The following MRM3 variants were observed in gnomAD, a reference collection of about 807,000 sequenced individuals.
MRM3 encodes rRNA methyltransferase 3, mitochondrial.
Under a neutral mutation model 29.4 loss-of-function variants are expected in MRM3, and 26 were observed. That is an observed-to-expected ratio of 0.89 (90% CI 0.65 to 1.23). The LOEUF (loss-of-function observed/expected upper bound fraction) is 1.23, where lower values mean the gene tolerates loss of function less well. Among genes scored for constraint, MRM3 ranks in the 50% most tolerant of loss-of-function variants. The pLI is 0.00. For synonymous variants in MRM3, 225 were observed against 219.0 expected (o/e 1.03, Z -0.24); for missense variants, 578 against 540.2 (o/e 1.07, Z -0.69).
intron 3 of MRM3, among the ~76,000 whole-genome samples, chr17:791,251 G>A (rs2144531047): frequency 6.6e-6 from 1 of 152,232 alleles, no homozygotes; most frequent in African/African-American, 2.4e-5. Context: ...GCGTTCCTTG[G>A]GGTTGGGGAC....
chr17:785,878 TG>T (rs1266940371), intron 2 of MRM3, among the ~76,000 whole-genome samples: 1 of 152,222 alleles, frequency 6.6e-6, no homozygotes, highest in Non-Finnish European at 1.5e-5. Context: ...AAAGCCTACC[TG>T]GTAGGAAGAT....
chr17:783,977 C>G (rs952990770), intron 2 of MRM3, among the ~76,000 whole-genome samples: 3 of 152,162 alleles, frequency 2.0e-5, no homozygotes, highest in African/African-American at 7.2e-5. Context: ...TGATAACTGT[C>G]AATAAACTGC....
chr17:782,383 C>A lies in MRM3; in HGVS notation c.5C>A (p.Ala2Glu). The A allele has an allele frequency of 6.2e-7, 1 of 1,613,560 alleles. No homozygotes were observed. Among genetic ancestry groups the A allele is most frequent in the Non-Finnish European group, 8.5e-7 (1 of 1,179,826 alleles). M[A>E]ALVRPARFVV... is the part of the protein sequence containing the mutation. Reference sequence around the variant, plus strand: ...GCAGCCCGGGTCTCAGGGAACATGGCGGCGCTGGTGAGACCCGCGAGGTTT... The same window carrying A: ...GCAGCCCGGGTCTCAGGGAACATGGAGGCGCTGGTGAGACCCGCGAGGTTT... Residue 2 changes from alanine to glutamate, a missense_variant, in exon 1 of 4, where the codon GCG becomes GAG. Physicochemically the swap from Ala to Glu is moderately radical, Grantham distance 107. Coordinates refer to ENST00000304478, the MANE Select transcript of MRM3 (RefSeq NM_018146.4).
intron 3 of MRM3, chr17:789,660 G>A (rs951786235): frequency 6.6e-6 from 1 of 152,300 alleles, no homozygotes; most frequent in South Asian, 2.1e-4. Context: ...GCTAGAATAC[G>A]TTTCTGTGCC....
Position 791,711 on chromosome 17 carries a change from C to G in MRM3, c.905C>G (p.Ala302Gly), listed in dbSNP as rs1364381767. The change falls in exon 4 of 4, where the codon GCT becomes GGT. Residue 302 changes from alanine to glycine, a missense_variant. Transcript: ENST00000304478. ...LYAQAEMSNK[A>G]SDHGWVCDQR... ...GCCCAGGCTGAGATGTCTAATAAAG[C>G]TAGTGACCATGGCTGGGTGTGTGAT... is the stretch of plus-strand genomic sequence containing the variant. 2 of 1,614,162 alleles carry G rather than the reference C, an allele frequency of 1.2e-6. No individual in the cohort carries two copies. The highest frequency in any genetic ancestry group is 2.2e-5 in the South Asian group (2 of 91,080).
intron 1 of MRM3, 151 bp downstream of exon 1, chr17:782,843 A>C (rs1292670250): frequency 3.1e-6 from 3 of 969,986 alleles, no homozygotes. Context: ...CTTTGGAATT[A>C]GCTTCTGTTT....
Position 788,035 on chromosome 17 carries a change from A to G in MRM3, c.630A>G (p.Leu210=), listed in dbSNP as rs745894476. 2.5e-6 allele frequency: 4 copies of G among 1,614,170 alleles called. No homozygotes were observed. The highest frequency in any genetic ancestry group is 1.6e-4 in the Middle Eastern group (1 of 6,062). The change falls in exon 3 of 4, where the codon TTA becomes TTG. Residue 210 remains leucine (L), a synonymous_variant. Transcript: ENST00000304478. ...CTCAGCTTCAGCATTCACTGCCTTTATTATTGATTTGTGACAATCTCCGTG... is the reference window on the plus strand; with the variant it reads ...CTCAGCTTCAGCATTCACTGCCTTTGTTATTGATTTGTGACAATCTCCGTG... The part of the protein sequence containing the change: ...PKTQLQHSLP[L]LLICDNLRDP...
At chr17:786,599 C>T (rs553005751) in intron 2 of MRM3, among the ~76,000 whole-genome samples, 6 of 151,766 alleles carry the variant, frequency 4.0e-5, no homozygotes, top group African/African-American at 1.2e-4. Context: ...TTATTAGAGA[C>T]GGGGTTTCAC....
intron 3 of MRM3, 155 bp downstream of exon 3, chr17:788,287 G>T: frequency 1.5e-6 from 1 of 651,546 alleles, no homozygotes. Flanking sequence ...AATTAGCTGG[G>T]TGTGGTGGGG....
rs1216982060 is a variant in MRM3 at position 783,110 on chromosome 17, G to A, written c.342G>A (p.Arg114=). Residue 114 remains arginine, a synonymous_variant, in exon 2 of 4, where the codon AGG becomes AGA. Transcript: ENST00000304478. The part of the protein sequence containing the change: ...LSSVMTIVKS[R]PFREKQGKIL... Reference sequence around the variant, plus strand: ...GTGTAATGACAATAGTAAAGTCCAGGCCATTTCGGGAAAAACAAGGGAAGA... The same window carrying A: ...GTGTAATGACAATAGTAAAGTCCAGACCATTTCGGGAAAAACAAGGGAAGA... 3 of 1,613,604 alleles carry A rather than the reference G, an allele frequency of 1.9e-6. No individual in the cohort carries two copies. Among genetic ancestry groups the A allele is most frequent in the East Asian group, 2.2e-5 (1 of 44,872 alleles).
chr17:789,207 C>T (rs1035732338), intron 3 of MRM3, among the ~76,000 whole-genome samples: 2 of 152,094 alleles, frequency 1.3e-5, no homozygotes, highest in African/African-American at 4.8e-5. Flanking sequence ...GAAATAGATG[C>T]CAATTTTAAC....
At chr17:788,264 CA>C (rs1159037930) in intron 3 of MRM3, 132 bp downstream of exon 3, 24 of 822,228 alleles carry the variant, frequency 2.9e-5, no homozygotes, top group Non-Finnish European at 3.6e-5. Flanking sequence ...CTCATCTCTA[CA>C]AAAAAAACTA....
chr17:788,493 T>A (rs753118793), intron 3 of MRM3, among the ~76,000 whole-genome samples: 2,562 of 149,268 alleles, frequency 0.017, 35 homozygotes, highest in Middle Eastern at 0.062. Context: ...TTTTTTTTTT[T>A]ATTAAAGAGA....
At chr17:782,782 C>T (rs1448369230) in intron 1 of MRM3, 90 bp downstream of exon 1, 12 of 1,328,796 alleles carry the variant, frequency 9.0e-6, no homozygotes, top group Non-Finnish European at 1.2e-5. Flanking sequence ...AGGACTTCTT[C>T]CAGTACAGCC....
chr17:792,240 A>G lies in MRM3; in HGVS notation c.*171A>G, dbSNP rs1184698067. The G allele has an allele frequency of 9.6e-6, 6 of 627,500 alleles. No individual in the cohort carries two copies. Among genetic ancestry groups the G allele is most frequent in the Non-Finnish European group, 1.6e-5 (6 of 381,074 alleles). The allele number at this position is 627,500 out of a possible 1,614,324, so 38.9% of individuals were successfully genotyped here. A position where few individuals can be genotyped will look rare whatever the true frequency, so the allele number is the denominator to read the frequency against. On this transcript the variant is annotated 3_prime_UTR_variant, in exon 4 of 4. Transcript: ENST00000304478. ...ACTTCCTCAGAAAGAACAGGTCCGA[A>G]TTCTTCCTGTCGCGTCACTGATTTT... is the stretch of plus-strand genomic sequence containing the variant.
chr17:782,791 C>A, intron 1 of MRM3, 99 bp downstream of exon 1: 1 of 1,296,600 alleles, frequency 7.7e-7, no homozygotes, highest in Non-Finnish European at 1.0e-6. Context: ...TCCAGTACAG[C>A]CCGCTGGTTT....
In MRM3 at chr17:787,808, C is replaced by G. The variant is rs928984545; in HGVS notation, c.560-157C>G. Among the ~76,000 whole-genome samples the G allele has an allele frequency of 6.6e-6, 1 of 152,164 alleles. No individual in the cohort carries two copies. The highest frequency in any genetic ancestry group is 1.5e-5 in the Non-Finnish European group (1 of 68,020). On this transcript the variant is annotated intron_variant, in intron 2 of 3. Transcript: ENST00000304478. The surrounding 1 kb of genome is among the most constrained non-coding windows in gnomAD (Gnocchi z 4.1). ...AGGTGATCCACCCGCCTTGGCCTCC[C>G]GAAGTGTTGGGATTACAGGCATGAG...
In MRM3 at chr17:788,311, A is replaced by T. The variant is rs367926316; in HGVS notation, c.727+179A>T. 3 of 574,338 alleles carry T rather than the reference A, an allele frequency of 5.2e-6. No individual in the cohort carries two copies. The African/African-American group carries it at 5.6e-5, about 11-fold the overall frequency. 35.6% of individuals were successfully genotyped at this position (574,338 alleles called of 1,614,324 possible). A position where few individuals can be genotyped will look rare whatever the true frequency, so the allele number is the denominator to read the frequency against. ...GGTGTGGTGGGGTGTGCCTGTACTC[A>T]GTCCCAGCAACTTGGGAGGCTGAGG... On this transcript the variant is annotated intron_variant, in intron 3 of 3. Transcript: ENST00000304478.
In MRM3 at chr17:791,809, CCT is replaced by C. The variant is rs774696184; in HGVS notation, c.1005_1006del (p.His336CysfsTer2). 1.2e-4 allele frequency: 198 copies of C among 1,614,048 alleles called. No individual in the cohort carries two copies. Among genetic ancestry groups the C allele is most frequent in the Non-Finnish European group, 1.7e-4 (197 of 1,180,056 alleles). Reference protein sequence around the residue: ...VETGASQDWLPHVEVQSYDSD... With the variant: ...VETGASQDWLXHVEVQSYDSD... ...AACCGGAGCCAGTCAAGATTGGCTG[CCT>C]CATGTTGAGGTTCAGAGTTACGACT... On this transcript the variant is annotated frameshift_variant, in exon 4 of 4. Transcript: ENST00000304478. LOFTEE classifies it high-confidence loss of function.
Sources: gnomAD v4.1 joint callset for allele counts (sites outside exome capture counted in the v4.1 genomes callset) on GRCh38, gnomAD v4.1.1 for gene constraint, Gnocchi (gnomAD v3.1) non-coding constraint, MANE v1.5 for transcripts, NCBI Gene and HGNC (gene_info 2026-07-23, HGNC 2026-07-21) for gene names.